The following CRMP1 variants were observed in gnomAD, a reference collection of about 807,000 sequenced individuals.
The protein encoded by CRMP1 is dihydropyrimidinase-related protein 1.
CRMP1 carries 19 observed loss-of-function variants against 68.3 expected under a neutral mutation model. The observed-to-expected ratio is 0.28, with a 90% confidence interval of 0.19 to 0.41. The LOEUF is 0.41. Ranked by LOEUF, CRMP1 falls within the 10% of genes least tolerant of loss-of-function variation. CRMP1 has a pLI of 1.00. For synonymous variants in CRMP1, 439 were observed against 399.6 expected, an observed-to-expected ratio of 1.10 and a Z score of -1.18; for missense variants, 791 against 967.4, an observed-to-expected ratio of 0.82 and a Z score of 2.42.
chr4:5,863,222 C>T (rs1240079861), intron 2 of CRMP1, among the ~76,000 whole-genome samples: 1 of 151,234 alleles, frequency 6.6e-6, no homozygotes, highest in East Asian at 2.0e-4. Flanking sequence ...CAGCCAGAGG[C>T]TCTTTCTTAC....
rs905257874 is a variant in CRMP1 at position 5,879,770 on chromosome 4, C to G, written c.381+12819G>C. Among the ~76,000 whole-genome samples, 5 of 151,940 alleles carry G rather than the reference C, an allele frequency of 3.3e-5. No individual in the cohort carries two copies. Among genetic ancestry groups the G allele is most frequent in the Non-Finnish European group, 7.4e-5 (5 of 68,022 alleles). The stretch of plus-strand genomic sequence containing the variant: ...CAGAGGAGTTGATGGCCTTAGGAAG[C>G]CTTTAAACTCGTTTAAGAGGTTCCC... On this transcript the variant is annotated intron_variant, in intron 1 of 13. Coordinates refer to ENST00000324989, the MANE Select transcript of CRMP1 (RefSeq NM_001014809.3). This position sits in a 1 kb window ranked among gnomAD's most constrained non-coding sequence, Gnocchi z 4.2.
intron 11 of CRMP1, among the ~76,000 whole-genome samples, chr4:5,829,117 T>TC (rs1369760095): frequency 6.6e-6 from 1 of 152,204 alleles, no homozygotes; most frequent in Non-Finnish European, 1.5e-5. Flanking sequence ...CAAATTATTT[T>TC]CCCAAGGGTT....
intron 12 of CRMP1, among the ~76,000 whole-genome samples, chr4:5,827,132 G>C (rs1264003220): frequency 3.9e-5 from 6 of 152,188 alleles, no homozygotes; most frequent in Non-Finnish European, 4.4e-5. Flanking sequence ...CGATCCTATT[G>C]CTCCTGCAAA....
At chr4:5,852,171 T>C (rs962334715) in intron 4 of CRMP1, among the ~76,000 whole-genome samples, 1 of 152,176 alleles carries the variant, frequency 6.6e-6, no homozygotes. Flanking sequence ...CTTTAAAGAA[T>C]TGTGTTTGCA....
chr4:5,845,406 G>T (rs1405236536), intron 6 of CRMP1, among the ~76,000 whole-genome samples: 1 of 152,254 alleles, frequency 6.6e-6, no homozygotes, highest in Non-Finnish European at 1.5e-5. Context: ...CCATGTGCAA[G>T]GAACCGAGGG....
rs1715860449 is a variant in CRMP1 at position 5,889,891 on chromosome 4, G to T, written c.381+2698C>A. The T allele has an allele frequency of 4.9e-6, 7 of 1,417,656 alleles. No individual in the cohort carries two copies. The South Asian group carries it at 1.1e-4, about 22-fold the overall frequency. The allele number at this position is 1,417,656 out of a possible 1,614,324, so 87.8% of individuals were successfully genotyped here. A position where few individuals can be genotyped will look rare whatever the true frequency, so the allele number is the denominator to read the frequency against. On this transcript the variant is annotated intron_variant, in intron 1 of 13. Transcript: ENST00000324989. This position sits in a 1 kb window ranked among gnomAD's most constrained non-coding sequence, Gnocchi z 4.5. ...TTAGCTTCACAGAGAAGCCAGCTCA[G>T]TATCCCAGGAACACTAGGCATAATT...
intron 11 of CRMP1, among the ~76,000 whole-genome samples, chr4:5,833,555 G>C (rs1393943525): frequency 8.6e-6 from 1 of 116,368 alleles, no homozygotes; most frequent in Non-Finnish European, 1.7e-5. Flanking sequence ...TTACACATGT[G>C]TCCTCTCTCT....
In CRMP1 at chr4:5,865,545, C is replaced by T. The variant is rs535494666; in HGVS notation, c.470+1123G>A. Among the ~76,000 whole-genome samples, 4 of 148,810 alleles carry T rather than the reference C, an allele frequency of 2.7e-5. No individual in the cohort carries two copies. Among genetic ancestry groups the T allele is most frequent in the Middle Eastern group, 3.5e-3 (1 of 286 alleles). On this transcript the variant is annotated intron_variant, in intron 2 of 13. Coordinates refer to ENST00000324989, the MANE Select transcript of CRMP1 (RefSeq NM_001014809.3). This position sits in a 1 kb window ranked among gnomAD's most constrained non-coding sequence, Gnocchi z 4.1. ...CTGAGGCAGGGGAGTCGATTGAACC[C>T]GGGAAGTGGAGGTTGCAGTGAGCCG...
Position 5,883,122 on chromosome 4 carries a change from A to G in CRMP1, c.381+9467T>C, listed in dbSNP as rs1238072894. ...AATCAAGTCCCTCAACACCTGGCTG[A>G]TGTCATCCTCCAAACCCCAAGAAGC... On this transcript the variant is annotated intron_variant, in intron 1 of 13. Transcript: ENST00000324989. This position sits in a 1 kb window ranked among gnomAD's most constrained non-coding sequence, Gnocchi z 4.5. 6.6e-6 allele frequency among the ~76,000 whole-genome samples: 1 copy of G among 151,954 alleles called. No homozygotes were observed. The highest frequency in any genetic ancestry group is 1.5e-5 in the Non-Finnish European group (1 of 67,996).
chr4:5,872,685 T>G lies in CRMP1; in HGVS notation c.382-5929A>C, dbSNP rs972891850. Among the ~76,000 whole-genome samples, 1 of 152,074 alleles carries G rather than the reference T, an allele frequency of 6.6e-6. No homozygotes were observed. The highest frequency in any genetic ancestry group is 6.5e-5 in the Admixed American group (1 of 15,268). On this transcript the variant is annotated intron_variant, in intron 1 of 13. Coordinates refer to ENST00000324989, the MANE Select transcript of CRMP1 (RefSeq NM_001014809.3). This position sits in a 1 kb window ranked among gnomAD's most constrained non-coding sequence, Gnocchi z 4.6. ...CTGGGCAACAGAGCGAGACTCCATC[T>G]CAAAAAACAATTATTATGTATAAAC...
chr4:5,833,778 C>T (rs1302749269), intron 11 of CRMP1, among the ~76,000 whole-genome samples: 5 of 152,162 alleles, frequency 3.3e-5, no homozygotes, highest in Non-Finnish European at 5.9e-5. Context: ...GGTGCGGTGG[C>T]TCACACCTGT....
intron 11 of CRMP1, among the ~76,000 whole-genome samples, chr4:5,831,427 T>C (rs1720375665): frequency 6.6e-6 from 1 of 152,214 alleles, no homozygotes; most frequent in Non-Finnish European, 1.5e-5. Context: ...TACACACAGC[T>C]GTTGACACTG....
In CRMP1 at chr4:5,883,918, T is replaced by A. The variant is rs1169519119; in HGVS notation, c.381+8671A>T. ...ACGTCACTTTCACTTTTATGTCCCC[T>A]CTGAGACATTTTTAAGAATTTGATT... On this transcript the variant is annotated intron_variant, in intron 1 of 13. Coordinates refer to ENST00000324989, the MANE Select transcript of CRMP1 (RefSeq NM_001014809.3). This position sits in a 1 kb window ranked among gnomAD's most constrained non-coding sequence, Gnocchi z 4.5. Among the ~76,000 whole-genome samples the A allele has an allele frequency of 1.3e-5, 2 of 152,242 alleles. No individual in the cohort carries two copies. Among genetic ancestry groups the A allele is most frequent in the Admixed American group, 1.3e-4 (2 of 15,290 alleles).
At position 5,881,402 on chromosome 4, in the gene CRMP1, T is replaced by G. The variant is rs573412239; in HGVS notation, c.381+11187A>C. 7.2e-4 allele frequency among the ~76,000 whole-genome samples: 109 copies of G among 152,298 alleles called. No homozygotes were observed. The highest frequency in any genetic ancestry group is 2.4e-3 in the African/African-American group (101 of 41,574). Reference sequence around the variant, plus strand: ...ACATACTTTCAAATCATATAAAATTTTGCAGCATTCTTGAAGGATTAAAGA... The same window carrying G: ...ACATACTTTCAAATCATATAAAATTGTGCAGCATTCTTGAAGGATTAAAGA... On this transcript the variant is annotated intron_variant, in intron 1 of 13. Transcript: ENST00000324989. This position sits in a 1 kb window ranked among gnomAD's most constrained non-coding sequence, Gnocchi z 4.6.
rs886608006 is a variant in CRMP1 at position 5,853,807 on chromosome 4, A to C, written c.820+2336T>G. Among the ~76,000 whole-genome samples the C allele has an allele frequency of 6.6e-6, 1 of 152,274 alleles. No homozygotes were observed. The highest frequency in any genetic ancestry group is 6.5e-5 in the Admixed American group (1 of 15,286). On this transcript the variant is annotated intron_variant, in intron 4 of 13. Coordinates refer to ENST00000324989, the MANE Select transcript of CRMP1 (RefSeq NM_001014809.3). This position sits in a 1 kb window ranked among gnomAD's most constrained non-coding sequence, Gnocchi z 4.7. Reference sequence around the variant, plus strand: ...AACAAAGTTGAAGCTGTGGAACCCTATGTTAAGGGAAATAAGTCAGGCACA... The same window carrying C: ...AACAAAGTTGAAGCTGTGGAACCCTCTGTTAAGGGAAATAAGTCAGGCACA...
chr4:5,891,387 C>T lies in CRMP1; in HGVS notation c.381+1202G>A, dbSNP rs1029762611. Among the ~76,000 whole-genome samples the T allele has an allele frequency of 1.3e-5, 2 of 152,206 alleles. No individual in the cohort carries two copies. ...CCCAGATATCTGCCCCGATCAAGCTCTGCTTCCCTCCAGGCTCACTTTGGG... is the reference window on the plus strand; with the variant it reads ...CCCAGATATCTGCCCCGATCAAGCTTTGCTTCCCTCCAGGCTCACTTTGGG... On this transcript the variant is annotated intron_variant, in intron 1 of 13. Transcript: ENST00000324989. This position sits in a 1 kb window ranked among gnomAD's most constrained non-coding sequence, Gnocchi z 5.2.
In CRMP1 at chr4:5,872,842, T is replaced by G. The variant is rs113602281; in HGVS notation, c.382-6086A>C. 4.4e-3 allele frequency among the ~76,000 whole-genome samples: 668 copies of G among 152,358 alleles called. 7 individuals are homozygous for G. Among genetic ancestry groups the G allele is most frequent in the African/African-American group, 0.015 (607 of 41,580 alleles). ...ACCTTTAGAGCAAATCATGTTCTTG[T>G]GTCAGCACCACTTAAAAGCAAAACG... On this transcript the variant is annotated intron_variant, in intron 1 of 13. Coordinates refer to ENST00000324989, the MANE Select transcript of CRMP1 (RefSeq NM_001014809.3). The surrounding 1 kb of genome is among the most constrained non-coding windows in gnomAD (Gnocchi z 4.6).
chr4:5,868,580 C>A (rs201395448), intron 1 of CRMP1, among the ~76,000 whole-genome samples: 1 of 151,958 alleles, frequency 6.6e-6, no homozygotes, highest in Non-Finnish European at 1.5e-5. Flanking sequence ...GGATTACAGG[C>A]GTGAGCCACC....
At chr4:5,867,507 A>C (rs1459521954) in intron 1 of CRMP1, among the ~76,000 whole-genome samples, 2 of 152,210 alleles carry the variant, frequency 1.3e-5, no homozygotes, top group East Asian at 3.8e-4. Context: ...TACAACTCCC[A>C]GTTGACATTC....
Sources: allele counts gnomAD v4.1 joint callset (sites outside exome capture counted in the v4.1 genomes callset), GRCh38; gene constraint gnomAD v4.1.1; non-coding constraint Gnocchi (gnomAD v3.1); transcripts MANE v1.5; gene names NCBI Gene and HGNC (gene_info 2026-07-23, HGNC 2026-07-21).